TRAK1: variants seen among roughly 807,000 people sequenced by gnomAD.
TRAK1 encodes the protein trafficking kinesin protein 1.
Under a neutral mutation model 92.1 loss-of-function variants are expected in TRAK1, and 33 were observed. That is an observed-to-expected ratio of 0.36 (90% CI 0.27 to 0.48). TRAK1 has a LOEUF of 0.48. TRAK1 is among the 20% of genes least tolerant of loss of function. The probability of loss-of-function intolerance (pLI) is 0.99; values close to 1 mark genes in which losing one functional copy is unlikely to be tolerated. For missense variants in TRAK1, 1,123 were observed against 1,257.9 expected (o/e 0.89, Z 1.62); for synonymous variants, 521 against 517.3 (o/e 1.01, Z -0.10).
chr3:42,059,233 A>G (rs1337963203), intron 1 of TRAK1, among the ~76,000 whole-genome samples: 1 of 151,896 alleles, frequency 6.6e-6, no homozygotes, highest in Non-Finnish European at 1.5e-5. Flanking sequence ...AGCTGGGACT[A>G]TAGGCATGCA....
upstream of TRAK1, among the ~76,000 whole-genome samples, chr3:42,089,806 A>G (rs188820342): frequency 3.9e-5 from 6 of 152,176 alleles, no homozygotes; most frequent in Non-Finnish European, 8.8e-5. Flanking sequence ...GCAGTAGACT[A>G]AAGTCGCGGA....
chr3:42,024,051 G>A (rs143666703), intron 1 of TRAK1, among the ~76,000 whole-genome samples: 8 of 152,228 alleles, frequency 5.3e-5, no homozygotes, highest in Non-Finnish European at 1.2e-4. Context: ...CACCGTGACC[G>A]GCTACTCCTG....
At position 42,193,804 on chromosome 3, in the gene TRAK1, CTATCT is replaced by C. The variant is rs758017302; in HGVS notation, c.901-18_901-14del. 1.2e-6 allele frequency: 2 copies of C among 1,608,870 alleles called. No homozygotes were observed. The highest frequency in any genetic ancestry group is 1.7e-6 in the Non-Finnish European group (2 of 1,175,832). ...TTTACCAAGTATCTTAGGAAGTGAT[CTATCT>C]TTGCCATGCTTTAGTGCGCAGTGGA... is the stretch of plus-strand genomic sequence containing the variant. On this transcript the variant is annotated splice_polypyrimidine_tract_variant and intron_variant, in intron 8 of 15. Coordinates refer to ENST00000327628, the MANE Select transcript of TRAK1 (RefSeq NM_001042646.3).
At chr3:42,216,840 C>G (rs1709752742) in intron 14 of TRAK1, among the ~76,000 whole-genome samples, 1 of 152,136 alleles carries the variant, frequency 6.6e-6, no homozygotes, top group African/African-American at 2.4e-5. Context: ...CACTAGGAAG[C>G]CCTCCACTCA....
At chr3:42,130,545 T>A (rs1056308473) in intron 2 of TRAK1, among the ~76,000 whole-genome samples, 4 of 152,200 alleles carry the variant, frequency 2.6e-5, no homozygotes, top group Non-Finnish European at 4.4e-5. Flanking sequence ...TTGTTTGCAT[T>A]TCAGCTCAGG....
chr3:42,176,910 G>A lies in TRAK1; in HGVS notation c.363+20G>A, dbSNP rs1053973840. 17 of 1,609,744 alleles carry A rather than the reference G, an allele frequency of 1.1e-5. No homozygotes were observed. The African/African-American group carries it at 1.3e-4, about 13-fold the overall frequency. On this transcript the variant is annotated intron_variant, in intron 3 of 15. Transcript: ENST00000327628. ...GAGGAGGTAAGTGCTCCAGGGGAAG[G>A]CAAAAGAGTTGTTTATAATTGACTG...
At chr3:42,027,546 T>C (rs1701967542) in intron 1 of TRAK1, among the ~76,000 whole-genome samples, 1 of 152,006 alleles carries the variant, frequency 6.6e-6, no homozygotes, top group Non-Finnish European at 1.5e-5. Flanking sequence ...GTAAAGCTTT[T>C]CTAATCCAGG....
chr3:42,183,595 G>A (rs1310424047), intron 3 of TRAK1, among the ~76,000 whole-genome samples: 3 of 148,658 alleles, frequency 2.0e-5, no homozygotes, highest in South Asian at 2.1e-4. Flanking sequence ...AATCTGTAGT[G>A]TACTTTATCC....
Position 42,223,198 on chromosome 3 carries a change from A to G in TRAK1, c.2323A>G (p.Met775Val), listed in dbSNP as rs1041329028. 3 of 1,613,920 alleles carry G rather than the reference A, an allele frequency of 1.9e-6. No homozygotes were observed. The highest frequency in any genetic ancestry group is 2.7e-5 in the African/African-American group (2 of 74,896). Residue 775 changes from methionine (M) to valine (V), a missense_variant, in exon 16 of 16, where the codon ATG becomes GTG. Met to Val is a conservative substitution (Grantham distance 21, BLOSUM62 1). Transcript: ENST00000327628. This position sits in a 1 kb window ranked among gnomAD's most constrained non-coding sequence, Gnocchi z 6.1. ...CCTCCTGCACTCCTACACGCCCAAG[A>G]TGGCTGTGATCCCCTCTACTCCGCC... ...GSLLHSYTPK[M>V]AVIPSTPPNS...
intron 8 of TRAK1, among the ~76,000 whole-genome samples, 156 bp from the exon 9 acceptor site, chr3:42,193,666 CTT>C (rs891164550): frequency 4.6e-5 from 7 of 152,152 alleles, no homozygotes; most frequent in African/African-American, 1.4e-4. Flanking sequence ...ATAGGAAAGA[CTT>C]TACCTTCAAA....
Position 42,194,922 on chromosome 3 carries a change from C to G in TRAK1, c.1094C>G (p.Ser365Ter), listed in dbSNP as rs374334482. The G allele has an allele frequency of 6.2e-7, 1 of 1,613,856 alleles. No individual in the cohort carries two copies. Among genetic ancestry groups the G allele is most frequent in the Non-Finnish European group, 8.5e-7 (1 of 1,179,882 alleles). ...AATACCACGTCTCGGCGCTACCACT[C>G]ACTGGGCCTGTTTCCCATGGTGAGC... ...MPNTTSRRYH[S>*]LGLFPMDSLA... The change falls in exon 10 of 16, where the codon TCA (serine) becomes TGA (stop). Residue 365 changes from serine (S) to a stop codon, truncating the protein, a stop_gained. Coordinates refer to ENST00000327628, the MANE Select transcript of TRAK1 (RefSeq NM_001042646.3). LOFTEE classifies it high-confidence loss of function.
At chr3:42,029,536 C>G (rs1324006138) in intron 1 of TRAK1, among the ~76,000 whole-genome samples, 1 of 151,814 alleles carries the variant, frequency 6.6e-6, no homozygotes, top group Non-Finnish European at 1.5e-5. Flanking sequence ...GTCAGTGTGC[C>G]CAGCCTGATA....
chr3:42,134,861 G>T (rs1423385940), intron 2 of TRAK1, among the ~76,000 whole-genome samples: 2 of 151,818 alleles, frequency 1.3e-5, no homozygotes, highest in African/African-American at 2.4e-5. Context: ...TTACAGGCAT[G>T]AGCCACTGCA....
intron 1 of TRAK1, among the ~76,000 whole-genome samples, chr3:42,023,169 A>AAG (rs1160230566): frequency 6.6e-6 from 1 of 151,542 alleles, no homozygotes; most frequent in South Asian, 2.1e-4. Context: ...AAAAAAAAAA[A>AAG]AAAAACAACA....
At chr3:42,054,377 C>CA (rs1703109236) in intron 1 of TRAK1, among the ~76,000 whole-genome samples, 1 of 152,152 alleles carries the variant, frequency 6.6e-6, no homozygotes, top group Admixed American at 6.5e-5. Flanking sequence ...GAGGCAGGTA[C>CA]AGGGTGCACC....
intron 1 of TRAK1, among the ~76,000 whole-genome samples, chr3:42,042,840 G>A (rs887245121): frequency 1.3e-5 from 2 of 152,002 alleles, no homozygotes; most frequent in Non-Finnish European, 2.9e-5. Context: ...TCTCTGGGGC[G>A]GGTCATCTGT....
At chr3:42,220,278 T>C (rs1329372412) in intron 15 of TRAK1, among the ~76,000 whole-genome samples, 1 of 152,158 alleles carries the variant, frequency 6.6e-6, no homozygotes, top group African/African-American at 2.4e-5. Flanking sequence ...TGGAGCACCA[T>C]CTATGGGGAG....
intron 1 of TRAK1, among the ~76,000 whole-genome samples, chr3:42,055,918 A>C (rs1167055987): frequency 6.6e-6 from 1 of 152,184 alleles, no homozygotes; most frequent in Non-Finnish European, 1.5e-5. Flanking sequence ...TTTGTTATAC[A>C]TGGAATCATA....
At chr3:42,084,725 A>G (rs1442480254), upstream of TRAK1, among the ~76,000 whole-genome samples, 2 of 151,356 alleles carry the variant, frequency 1.3e-5, no homozygotes, top group Non-Finnish European at 1.5e-5. Context: ...CTTGAGGATT[A>G]TAGGCTTTTC....
Sources: gnomAD v4.1 joint callset for allele counts (sites outside exome capture counted in the v4.1 genomes callset) on GRCh38, gnomAD v4.1.1 for gene constraint, Gnocchi (gnomAD v3.1) non-coding constraint, MANE v1.5 for transcripts, NCBI Gene and HGNC (gene_info 2026-07-23, HGNC 2026-07-21) for gene names.